Variants in SNRNP40 observed in about 807,000 individuals in gnomAD.
The protein encoded by SNRNP40 is small nuclear ribonucleoprotein U5 subunit 40.
A neutral mutation model predicts 45.8 loss-of-function variants in SNRNP40; 21 were observed. The ratio of observed to expected loss-of-function variants is 0.46; its 90% CI spans 0.32 to 0.66. SNRNP40 has a LOEUF of 0.66. Among genes scored for constraint, SNRNP40 ranks in the 30% least tolerant of loss-of-function variants. The pLI is 0.03. For missense variants in SNRNP40, 344 were observed against 439.1 expected (o/e 0.78, Z 1.94); for synonymous variants, 142 against 163.8 (o/e 0.87, Z 1.01).
chr1:31,279,256 C>G (rs1276529183), intron 5 of SNRNP40, among the ~76,000 whole-genome samples: 1 of 152,172 alleles, frequency 6.6e-6, no homozygotes, highest in African/African-American at 2.4e-5. Context: ...GCTCAGTTTC[C>G]TCATCTGTAC....
intron 6 of SNRNP40, among the ~76,000 whole-genome samples, chr1:31,270,769 T>C (rs1645932576): frequency 6.6e-6 from 1 of 152,224 alleles, no homozygotes; most frequent in Non-Finnish European, 1.5e-5. Flanking sequence ...GCCTATAATT[T>C]TGTATACCAG....
At position 31,293,310 on chromosome 1, in the gene SNRNP40, C is replaced by T. The variant is rs201555271; in HGVS notation, c.180G>A (p.Met60Ile). Residue 60 changes from methionine (M) to isoleucine (I), a missense_variant, in exon 2 of 10, where the codon ATG becomes ATA. Met to Ile is a conservative substitution (Grantham distance 10). Coordinates refer to ENST00000263694, the MANE Select transcript of SNRNP40 (RefSeq NM_004814.3). Reference protein sequence around the residue: ...PRCSSLQAPIMLLSGHEGEVY... With the variant: ...PRCSSLQAPIILLSGHEGEVY... ...CTTCCCCTTCATGTCCAGAGAGCAGCATGATTGGGGCTTGAAGGGAGGAAC... is the reference window on the plus strand; with the variant it reads ...CTTCCCCTTCATGTCCAGAGAGCAGTATGATTGGGGCTTGAAGGGAGGAAC... 4.3e-6 allele frequency: 7 copies of T among 1,613,618 alleles called. No individual in the cohort carries two copies. In the Admixed American group the frequency reaches 1.0e-4, roughly 23 times the overall value.
chr1:31,271,134 G>A, intron 6 of SNRNP40: 1 of 380,790 alleles, frequency 2.6e-6, no homozygotes, highest in East Asian at 4.4e-5. Flanking sequence ...TACCAGAGCT[G>A]AGATGGGTCT....
At position 31,293,359 on chromosome 1, in the gene SNRNP40, G is replaced by A. The variant is rs74617629; in HGVS notation, c.142-11C>T. On this transcript the variant is annotated splice_polypyrimidine_tract_variant and intron_variant, in intron 1 of 9. Transcript: ENST00000263694. ...ACATCTTGGAGGTCCCTAAACAAAA[G>A]AGAAGCACAAGGTAACTACTGCATA... 6.2e-7 allele frequency: 1 copy of A among 1,600,880 alleles called. No individual in the cohort carries two copies. The highest frequency in any genetic ancestry group is 2.2e-5 in the East Asian group (1 of 44,800).
At chr1:31,276,985 G>C (rs1393038748) in intron 5 of SNRNP40, among the ~76,000 whole-genome samples, 1 of 151,920 alleles carries the variant, frequency 6.6e-6, no homozygotes, top group Non-Finnish European at 1.5e-5. Context: ...AGTGAGCTGA[G>C]ATTGTGCCAT....
At chr1:31,287,028 A>T (rs1200415900) in intron 4 of SNRNP40, among the ~76,000 whole-genome samples, 1 of 152,238 alleles carries the variant, frequency 6.6e-6, no homozygotes, top group Non-Finnish European at 1.5e-5. Context: ...TGTATGAATA[A>T]TGCCCAGAAT....
intron 4 of SNRNP40, among the ~76,000 whole-genome samples, chr1:31,285,804 C>G (rs1646053549): frequency 6.6e-6 from 1 of 152,142 alleles, no homozygotes; most frequent in Non-Finnish European, 1.5e-5. Flanking sequence ...AGGTCATCAT[C>G]CCCAATTTAG....
At chr1:31,266,791 A>C (rs947231735) in intron 8 of SNRNP40, among the ~76,000 whole-genome samples, 3 of 152,234 alleles carry the variant, frequency 2.0e-5, no homozygotes, top group African/African-American at 4.8e-5. Context: ...GTAAAATTGG[A>C]CTGCCATTCT....
intron 3 of SNRNP40, among the ~76,000 whole-genome samples, chr1:31,291,287 T>TTAAAAAAAAA (rs1410688046): frequency 2.6e-5 from 1 of 38,040 alleles, no homozygotes; most frequent in Non-Finnish European, 8.2e-5. Flanking sequence ...AAATTCCGTC[T>TTAAAAAAAAA]CAAAAAAAAA....
chr1:31,290,764 G>C (rs557361217), intron 3 of SNRNP40, among the ~76,000 whole-genome samples: 8 of 152,228 alleles, frequency 5.3e-5, no homozygotes, highest in East Asian at 3.9e-4. Context: ...TGTAATCCCA[G>C]CTACTCAGGA....
In SNRNP40 at chr1:31,275,394, G is replaced by T. The variant is rs368287864; in HGVS notation, c.655-3895C>A. Among the ~76,000 whole-genome samples the T allele has an allele frequency of 9.3e-5, 14 of 150,496 alleles. No individual in the cohort carries two copies. The East Asian group carries it at 2.0e-3, about 21-fold the overall frequency. ...CTCTCCCCTCTGCATGTAACAACAGGGTATTTTTTTTTCTAATCAGGACAG... is the reference window on the plus strand; with the variant it reads ...CTCTCCCCTCTGCATGTAACAACAGTGTATTTTTTTTTCTAATCAGGACAG... On this transcript the variant is annotated intron_variant, in intron 5 of 9. Transcript: ENST00000263694.
intron 3 of SNRNP40, among the ~76,000 whole-genome samples, chr1:31,291,357 C>CT (rs1180867101): frequency 6.6e-6 from 1 of 151,156 alleles, no homozygotes; most frequent in Non-Finnish European, 1.5e-5. Context: ...CATCTTTCTG[C>CT]TTTTTTTGGT....
intron 5 of SNRNP40, among the ~76,000 whole-genome samples, chr1:31,272,760 G>A (rs1480339205): frequency 6.6e-6 from 1 of 151,872 alleles, no homozygotes; most frequent in Non-Finnish European, 1.5e-5. Flanking sequence ...AAGCAAAAAA[G>A]GAAAATACAA....
At chr1:31,286,433 CAT>C (rs1646059999) in intron 4 of SNRNP40, among the ~76,000 whole-genome samples, 1 of 152,120 alleles carries the variant, frequency 6.6e-6, no homozygotes, top group Non-Finnish European at 1.5e-5. Flanking sequence ...TGGTTGAAGC[CAT>C]GTGTGACTCT....
intron 2 of SNRNP40, chr1:31,292,994 C>T: frequency 1.9e-6 from 1 of 536,470 alleles, no homozygotes; most frequent in Admixed American, 3.3e-5. Context: ...ACCAGAACAA[C>T]TCACTTTCCA....
chr1:31,272,363 C>T (rs955036564), intron 5 of SNRNP40, among the ~76,000 whole-genome samples: 18 of 152,054 alleles, frequency 1.2e-4, no homozygotes, highest in African/African-American at 2.9e-4. Flanking sequence ...GTATAGGAAA[C>T]GTAAGATACA....
chr1:31,272,096 A>T (rs911139634), intron 5 of SNRNP40, among the ~76,000 whole-genome samples: 9 of 152,252 alleles, frequency 5.9e-5, no homozygotes, highest in African/African-American at 2.2e-4. Context: ...ATAGAAAAAA[A>T]CTAAAAATGG....
At chr1:31,289,854 G>T (rs932647902) in intron 3 of SNRNP40, among the ~76,000 whole-genome samples, 1 of 152,038 alleles carries the variant, frequency 6.6e-6, no homozygotes, top group Non-Finnish European at 1.5e-5. Context: ...TTTTTCTTTT[G>T]TCTCTGAGGA....
Position 31,263,590 on chromosome 1 carries a change from C to T in SNRNP40, c.921-1958G>A, listed in dbSNP as rs1355568515. The T allele has an allele frequency of 6.5e-6, 3 of 460,054 alleles. No individual in the cohort carries two copies. The Admixed American group carries it at 7.3e-5, about 11-fold the overall frequency. The allele number at this position is 460,054 out of a possible 1,614,324, so 28.5% of individuals were successfully genotyped here. On this transcript the variant is annotated intron_variant, in intron 8 of 9. Coordinates refer to ENST00000263694, the MANE Select transcript of SNRNP40 (RefSeq NM_004814.3). ...TCAAACTGAAGTAAAACTTGAAGGG[C>T]AAGTTGAGTGAACTGCTGAGATTTT...
Sources: allele counts gnomAD v4.1 joint callset (sites outside exome capture counted in the v4.1 genomes callset), GRCh38; gene constraint gnomAD v4.1.1; transcripts MANE v1.5; gene names NCBI Gene and HGNC (gene_info 2026-07-23, HGNC 2026-07-21).